GK: variants seen among roughly 807,000 people sequenced by gnomAD.
GK encodes the protein glycerol kinase.
A neutral mutation model predicts 56.4 loss-of-function variants in GK; 9 were observed. The observed-to-expected ratio is 0.16, with a 90% CI of 0.10 to 0.28. The LOEUF (loss-of-function observed/expected upper bound fraction) is 0.28. Among genes scored for constraint, GK ranks in the 10% least tolerant of loss-of-function variants. The pLI is 1.00. For missense variants in GK, 161 were observed against 431.4 expected (o/e 0.37, Z 5.55); for synonymous variants, 104 against 144.1 (o/e 0.72, Z 1.99).
intron 9 of GK, among the ~76,000 whole-genome samples, chrX:30,699,373 T>TC (rs1279482155): frequency 1.0e-5 from 1 of 99,244 alleles, no homozygotes; most frequent in Non-Finnish European, 2.0e-5. Context: ...ACACACTTTT[T>TC]TTTTTTTTTT....
intron 1 of GK, among the ~76,000 whole-genome samples, chrX:30,663,311 A>G (rs1230346177): frequency 8.9e-6 from 1 of 112,086 alleles, no homozygotes; most frequent in Non-Finnish European, 1.9e-5. Context: ...TTCTCATTTT[A>G]TCTGATAATT....
intron 3 of GK, among the ~76,000 whole-genome samples, 191 bp from the exon 4 acceptor site, chrX:30,677,184 A>T (rs956696340): frequency 8.9e-6 from 1 of 112,281 alleles, no homozygotes; most frequent in Non-Finnish European, 1.9e-5. Flanking sequence ...GAAAAGAAAC[A>T]CTTGGCATTG....
chrX:30,654,786 C>T (rs1465856425), intron 1 of GK, among the ~76,000 whole-genome samples: 1 of 111,713 alleles, frequency 9.0e-6, no homozygotes, highest in Non-Finnish European at 1.9e-5. Flanking sequence ...GAAATGAATG[C>T]CTGCTGATAA....
At chrX:30,667,086 G>A (rs949471108) in intron 2 of GK, among the ~76,000 whole-genome samples, 3 of 110,773 alleles carry the variant, frequency 2.7e-5, no homozygotes, top group Non-Finnish European at 5.7e-5. Flanking sequence ...CCCGAGAGGC[G>A]GAGCTTGCAG....
At chrX:30,683,764 C>A (rs938237956) in intron 4 of GK, among the ~76,000 whole-genome samples, 1 of 112,197 alleles carries the variant, frequency 8.9e-6, no homozygotes, top group Non-Finnish European at 1.9e-5. Context: ...AATGTGATAT[C>A]TAAAATGGGA....
chrX:30,713,507 G>T (rs1159810012), intron 13 of GK, among the ~76,000 whole-genome samples: 1 of 111,815 alleles, frequency 8.9e-6, no homozygotes, highest in Non-Finnish European at 1.9e-5. Flanking sequence ...GTAAGCATCT[G>T]CATCTTCTTT....
Position 30,731,369 on chromosome X carries a change from G to T in GK, c.*2627G>T, listed in dbSNP as rs1229409883. 8.9e-6 allele frequency: 1 copy of T among 111,759 alleles called. No individual in the cohort carries two copies. The highest frequency in any genetic ancestry group is 9.6e-5 in the Admixed American group (1 of 10,439). 9.2% of individuals were successfully genotyped at this position (111,759 alleles called of 1,213,427 possible). A position where few individuals can be genotyped will look rare whatever the true frequency, so the allele number is the denominator to read the frequency against. ...ACTCTTTAATAGCTTGTTTTATCTA[G>T]TAATATTTAAATAATGAAGTTTCCT... On this transcript the variant is annotated 3_prime_UTR_variant, in exon 21 of 21. Transcript: ENST00000427190.
chrX:30,690,441 T>C (rs1261018175), intron 4 of GK, among the ~76,000 whole-genome samples: 4 of 112,071 alleles, frequency 3.6e-5, no homozygotes, highest in Admixed American at 9.5e-5. Flanking sequence ...AGAAATCGTT[T>C]CCACCAGGGG....
Position 30,697,968 on chromosome X carries a change from G to A in GK, c.747+219G>A, listed in dbSNP as rs111573387. Among the ~76,000 whole-genome samples the A allele has an allele frequency of 0.026, 2,948 of 111,648 alleles. 97 individuals carry two copies. The highest frequency in any genetic ancestry group is 0.091 in the African/African-American group (2,798 of 30,733). ...TAATGTTCTAAAATAAAAGACTAAGGTAGTTTCCTGGAATGAGAGATTCTG... is the reference window on the plus strand; with the variant it reads ...TAATGTTCTAAAATAAAAGACTAAGATAGTTTCCTGGAATGAGAGATTCTG... On this transcript the variant is annotated intron_variant, in intron 9 of 20. Transcript: ENST00000427190.
intron 4 of GK, among the ~76,000 whole-genome samples, chrX:30,684,362 TA>T (rs1213063167): frequency 9.0e-6 from 1 of 110,752 alleles, no homozygotes; most frequent in African/African-American, 3.3e-5. Flanking sequence ...ATTCTTGATT[TA>T]ATATAAAAAT....
At chrX:30,696,935 G>T (rs1935278782) in intron 8 of GK, 2 of 359,842 alleles carry the variant, frequency 5.6e-6, no homozygotes, top group African/African-American at 2.5e-5. Context: ...AACTTTAGAT[G>T]TTGGCATGAG....
At chrX:30,680,704 C>T (rs761596251) in intron 4 of GK, among the ~76,000 whole-genome samples, 1 of 111,963 alleles carries the variant, frequency 8.9e-6, no homozygotes, top group East Asian at 2.8e-4. Flanking sequence ...TGCTTATCTC[C>T]TGGAGATATC....
At chrX:30,715,056 G>A (rs1331089504) in intron 13 of GK, among the ~76,000 whole-genome samples, 1 of 111,846 alleles carries the variant, frequency 8.9e-6, no homozygotes, top group Non-Finnish European at 1.9e-5. Context: ...ACATAGCACT[G>A]TAGTATACAC....
chrX:30,726,623 CTAATATT>C (rs1937149858), intron 19 of GK, among the ~76,000 whole-genome samples: 1 of 111,457 alleles, frequency 9.0e-6, no homozygotes, highest in Non-Finnish European at 1.9e-5. Context: ...GAAAAACACT[CTAATATT>C]TAATATTTTG....
chrX:30,728,690 G>A (rs1432308936), intron 20 of GK, 42 bp from the exon 21 acceptor site: 6 of 935,905 alleles, frequency 6.4e-6, no homozygotes, highest in Non-Finnish European at 7.8e-6. Flanking sequence ...TGAATTGTAT[G>A]CATGTATTAT....
Position 30,724,169 on chromosome X carries a change from T to A in GK, c.1570T>A (p.Ser524Thr), listed in dbSNP as rs1165313039. Residue 524 changes from serine to threonine, a missense_variant, in exon 19 of 21, where the codon TCT (serine) becomes ACT (threonine). Ser to Thr is a moderately conservative substitution (Grantham distance 58, BLOSUM62 1). Coordinates refer to ENST00000427190, the MANE Select transcript of GK (RefSeq NM_001205019.2). ...MKSMGWVTTQ[S>T]PESGDPSIFC... Reference sequence around the variant, plus strand: ...GTCAATGGGTTGGGTTACAACTCAATCTCCAGAAAGTGGTAAAAATGTTTT... The same window carrying A: ...GTCAATGGGTTGGGTTACAACTCAAACTCCAGAAAGTGGTAAAAATGTTTT... The A allele has an allele frequency of 1.7e-6, 2 of 1,144,652 alleles. No homozygotes were observed. Among genetic ancestry groups the A allele is most frequent in the African/African-American group, 3.6e-5 (2 of 56,273 alleles). 94.3% of individuals were successfully genotyped at this position (1,144,652 alleles called of 1,213,427 possible).
chrX:30,700,739 C>A, intron 10 of GK, 99 bp from the exon 11 acceptor site: 1 of 587,831 alleles, frequency 1.7e-6, no homozygotes. Flanking sequence ...ACAGTTCATT[C>A]TTTGATAAAT....
intron 13 of GK, among the ~76,000 whole-genome samples, chrX:30,709,589 G>A (rs1352128182): frequency 3.6e-5 from 4 of 111,388 alleles, no homozygotes; most frequent in African/African-American, 9.8e-5. Flanking sequence ...ATGTCGTCCA[G>A]AATGGAATAT....
chrX:30,716,125 CTAGAGTA>C (rs1243202653), intron 13 of GK, among the ~76,000 whole-genome samples: 2 of 111,803 alleles, frequency 1.8e-5, no homozygotes, highest in African/African-American at 3.2e-5. Flanking sequence ...ACGTGGTTTC[CTAGAGTA>C]TAAAGTCCCA....
Sources: gnomAD v4.1 joint callset for allele counts (sites outside exome capture counted in the v4.1 genomes callset) on GRCh38, gnomAD v4.1.1 for gene constraint, MANE v1.5 for transcripts, NCBI Gene and HGNC (gene_info 2026-07-23, HGNC 2026-07-21) for gene names.